The following CCDC85A variants were observed in gnomAD, a reference collection of about 807,000 sequenced individuals.
The protein encoded by CCDC85A is coiled-coil domain containing 85A.
A neutral mutation model predicts 50.2 loss-of-function variants in CCDC85A; 38 were observed. The observed-to-expected ratio is 0.76, with a 90% CI of 0.58 to 0.99. The LOEUF (loss-of-function observed/expected upper bound fraction) is 0.99, where lower values mean the gene tolerates loss of function less well. CCDC85A is among the 50% of genes least tolerant of loss of function. The pLI is 0.00. For missense variants in CCDC85A, 820 were observed against 742.0 expected (o/e 1.11, Z -1.22); for synonymous variants, 366 against 301.4 (o/e 1.21, Z -2.22).
intron 2 of CCDC85A, among the ~76,000 whole-genome samples, chr2:56,277,454 A>G (rs1391334678): frequency 2.0e-5 from 3 of 152,186 alleles, no homozygotes; most frequent in Admixed American, 1.3e-4. Flanking sequence ...TTAGAGCTGA[A>G]AAAAAACCTT....
In CCDC85A at chr2:56,193,337, A is replaced by T. The variant is rs199630451; in HGVS notation, c.1137A>T (p.Gly379=). The T allele has an allele frequency of 3.3e-3, 5,385 of 1,612,540 alleles. 32 individuals carry two copies. Among genetic ancestry groups the T allele is most frequent in the Non-Finnish European group, 4.1e-3 (4,844 of 1,179,150 alleles). Residue 379 remains glycine, a synonymous_variant, in exon 2 of 6, where the codon GGA becomes GGT. Transcript: ENST00000407595. ...SPDHKHGGGS[G]GSGGSGGGSR... ...ATCACAAACACGGAGGAGGCAGTGG[A>T]GGAAGTGGAGGCAGCGGCGGAGGCA...
chr2:56,313,060 A>C (rs1342735908), intron 2 of CCDC85A, among the ~76,000 whole-genome samples: 1 of 152,170 alleles, frequency 6.6e-6, no homozygotes, highest in East Asian at 1.9e-4. Context: ...ATGATGCATT[A>C]GATGAACTTG....
intron 2 of CCDC85A, among the ~76,000 whole-genome samples, chr2:56,271,645 C>T (rs1365864040): frequency 6.6e-6 from 1 of 151,992 alleles, no homozygotes; most frequent in African/African-American, 2.4e-5. Flanking sequence ...TCATTATATC[C>T]CAAAGGTTTG....
chr2:56,215,577 GTTTT>G (rs11295380), intron 2 of CCDC85A, among the ~76,000 whole-genome samples: 19 of 136,948 alleles, frequency 1.4e-4, no homozygotes, highest in African/African-American at 2.1e-4. Flanking sequence ...TTTGCTGATA[GTTTT>G]TTTTTTTTTT....
chr2:56,273,548 G>T (rs1248508457), intron 2 of CCDC85A, among the ~76,000 whole-genome samples: 1 of 151,980 alleles, frequency 6.6e-6, no homozygotes, highest in Admixed American at 6.6e-5. Flanking sequence ...GATCAATCAA[G>T]TATGAGATTA....
intron 2 of CCDC85A, among the ~76,000 whole-genome samples, chr2:56,292,664 C>G (rs111806880): frequency 5.5e-4 from 83 of 152,278 alleles, no homozygotes; most frequent in Non-Finnish European, 1.0e-3. Context: ...ATAAATAACT[C>G]TATATGATTC....
At chr2:56,286,387 C>T (rs924399414) in intron 2 of CCDC85A, among the ~76,000 whole-genome samples, 1 of 152,266 alleles carries the variant, frequency 6.6e-6, no homozygotes, top group Middle Eastern at 3.4e-3. Flanking sequence ...GCTGTCTTCA[C>T]TGAGGCTGTT....
chr2:56,371,839 G>GCTT (rs1462340760), intron 3 of CCDC85A, among the ~76,000 whole-genome samples: 1 of 152,030 alleles, frequency 6.6e-6, no homozygotes, highest in African/African-American at 2.4e-5. Context: ...TCTTCAACAT[G>GCTT]CAGAAATTTT....
chr2:56,237,917 TTC>T (rs969301296), intron 2 of CCDC85A, among the ~76,000 whole-genome samples: 2 of 152,136 alleles, frequency 1.3e-5, no homozygotes, highest in African/African-American at 4.8e-5. Context: ...CATGAAATGT[TTC>T]TCTTATTGTA....
In CCDC85A at chr2:56,307,568, C is replaced by T. The variant is rs116978824; in HGVS notation, c.1241-35311C>T. Among the ~76,000 whole-genome samples, 20 of 152,254 alleles carry T rather than the reference C, an allele frequency of 1.3e-4. No homozygotes were observed. The East Asian group carries it at 2.9e-3, about 22-fold the overall frequency. ...TCTTCTTTATTGATGTCATAATTAG[C>T]ATATCATTAATTGAATGTTTATTTT... On this transcript the variant is annotated intron_variant, in intron 2 of 5. Transcript: ENST00000407595.
chr2:56,219,841 C>T (rs1001029410), intron 2 of CCDC85A, among the ~76,000 whole-genome samples: 4 of 151,910 alleles, frequency 2.6e-5, no homozygotes, highest in African/African-American at 9.7e-5. Context: ...CTGCCAGACC[C>T]TGGAGCAGAT....
chr2:56,343,038 T>A, intron 3 of CCDC85A, 83 bp downstream of exon 3: 1 of 951,358 alleles, frequency 1.1e-6, no homozygotes, highest in Non-Finnish European at 1.6e-6. Context: ...CTCAATGACG[T>A]TTTGTCTTTT....
intron 5 of CCDC85A, chr2:56,379,700 A>G (rs1009666993): frequency 3.2e-6 from 2 of 620,746 alleles, no homozygotes; most frequent in African/African-American, 4.0e-5. Context: ...TATCATAACT[A>G]ACAAGCTTTT....
intron 2 of CCDC85A, among the ~76,000 whole-genome samples, chr2:56,233,540 A>G (rs535745412): frequency 6.6e-6 from 1 of 152,330 alleles, no homozygotes; most frequent in Non-Finnish European, 1.5e-5. Flanking sequence ...ATGAATGGGT[A>G]TGACTGTCTT....
chr2:56,361,471 A>T (rs1021328114), intron 3 of CCDC85A, among the ~76,000 whole-genome samples: 5 of 152,192 alleles, frequency 3.3e-5, no homozygotes, highest in Admixed American at 6.5e-5. Flanking sequence ...TAAAACCATA[A>T]ATATGTAATA....
intron 2 of CCDC85A, among the ~76,000 whole-genome samples, chr2:56,280,629 C>A (rs181578178): frequency 1.3e-5 from 2 of 152,036 alleles, no homozygotes; most frequent in Non-Finnish European, 2.9e-5. Flanking sequence ...CCAACTAATA[C>A]GACAAATCCT....
At chr2:56,206,531 A>C (rs918160593) in intron 2 of CCDC85A, among the ~76,000 whole-genome samples, 2 of 152,132 alleles carry the variant, frequency 1.3e-5, no homozygotes, top group African/African-American at 4.8e-5. Flanking sequence ...GCAAGAGGGC[A>C]CAAGACAGCA....
At chr2:56,368,896 C>A (rs1256691229) in intron 3 of CCDC85A, among the ~76,000 whole-genome samples, 1 of 151,762 alleles carries the variant, frequency 6.6e-6, no homozygotes, top group Non-Finnish European at 1.5e-5. Flanking sequence ...TTCCATTTTT[C>A]TGGCGTGCAA....
chr2:56,217,555 A>T (rs1477814962), intron 2 of CCDC85A, among the ~76,000 whole-genome samples: 1 of 151,970 alleles, frequency 6.6e-6, no homozygotes, highest in African/African-American at 2.4e-5. Flanking sequence ...TGTTAGGAAG[A>T]CAAAATAAGT....
Sources: allele counts gnomAD v4.1 joint callset (sites outside exome capture counted in the v4.1 genomes callset), GRCh38; gene constraint gnomAD v4.1.1; transcripts MANE v1.5; gene names NCBI Gene and HGNC (gene_info 2026-07-23, HGNC 2026-07-21).